The following ABLIM3 variants were observed in gnomAD, a reference collection of about 807,000 sequenced individuals.
ABLIM3 encodes actin-binding LIM protein 3.
In ABLIM3, 61 loss-of-function variants were observed where a neutral mutation model predicts 109.5. That is an observed-to-expected ratio of 0.56 (90% CI 0.45 to 0.69). The LOEUF (loss-of-function observed/expected upper bound fraction) is 0.69. Among genes scored for constraint, ABLIM3 ranks in the 30% least tolerant of loss-of-function variants. The pLI is 0.00. For synonymous variants in ABLIM3, 300 were observed against 324.8 expected, an observed-to-expected ratio of 0.92 and a Z score of 0.82; for missense variants, 796 against 889.5, an observed-to-expected ratio of 0.89 and a Z score of 1.34.
At position 149,260,089 on chromosome 5, in the gene ABLIM3, C is replaced by G. The variant is rs1754774775; in HGVS notation, c.*1685C>G. 6.4e-6 allele frequency: 1 copy of G among 156,672 alleles called. No homozygotes were observed. Among genetic ancestry groups the G allele is most frequent in the South Asian group, 1.9e-4 (1 of 5,204 alleles). 9.7% of individuals were successfully genotyped at this position (156,672 alleles called of 1,614,324 possible). On this transcript the variant is annotated 3_prime_UTR_variant, in exon 24 of 24. Transcript: ENST00000309868. ...AGTGTGCGTGATGTTAATGAAAAGT[C>G]ATATGCAGCTAGAGCAGACCCAGGA...
chr5:149,153,558 C>A (rs1753623717), intron 2 of ABLIM3, among the ~76,000 whole-genome samples: 1 of 152,196 alleles, frequency 6.6e-6, no homozygotes, highest in South Asian at 2.1e-4. Flanking sequence ...GAGAGTCCCA[C>A]TCTGCAGACC....
Position 149,258,770 on chromosome 5 carries a change from T to C in ABLIM3, c.*366T>C. On this transcript the variant is annotated 3_prime_UTR_variant, in exon 24 of 24. Transcript: ENST00000309868. ...GGCCCCTTTCTTAAATTTCTAGGGC[T>C]GATGCTGACCATGTGGTTTCCACAC... 4 of 999,464 alleles carry C rather than the reference T, an allele frequency of 4.0e-6. No homozygotes were observed. The highest frequency in any genetic ancestry group is 4.8e-6 in the Non-Finnish European group (4 of 839,466). The allele number at this position is 999,464 out of a possible 1,614,324, so 61.9% of individuals were successfully genotyped here. A position where few individuals can be genotyped will look rare whatever the true frequency, so the allele number is the denominator to read the frequency against.
At chr5:149,213,028 A>G (rs1190665178) in intron 7 of ABLIM3, among the ~76,000 whole-genome samples, 1 of 152,176 alleles carries the variant, frequency 6.6e-6, no homozygotes, top group East Asian at 1.9e-4. Context: ...CCGGAGGATC[A>G]CTTGAGCCTG....
intron 2 of ABLIM3, among the ~76,000 whole-genome samples, chr5:149,161,527 T>C (rs1246106688): frequency 6.6e-6 from 1 of 152,216 alleles, no homozygotes; most frequent in African/African-American, 2.4e-5. Flanking sequence ...CCAGTGAGTT[T>C]GGGCCTCTGG....
chr5:149,173,622 C>T (rs961650462), intron 2 of ABLIM3, among the ~76,000 whole-genome samples: 4 of 152,150 alleles, frequency 2.6e-5, no homozygotes, highest in African/African-American at 9.7e-5. Flanking sequence ...TTAGTCGCTG[C>T]GGCTCTGCAT....
intron 2 of ABLIM3, among the ~76,000 whole-genome samples, chr5:149,163,714 T>C (rs973365441): frequency 6.6e-6 from 1 of 152,142 alleles, no homozygotes; most frequent in African/African-American, 2.4e-5. Context: ...AATAAAGTCA[T>C]ATTCTGAGGT....
At chr5:149,210,697 C>T in intron 6 of ABLIM3, 29 bp from the exon 7 acceptor site, 1 of 1,602,780 alleles carries the variant, frequency 6.2e-7, no homozygotes, top group Non-Finnish European at 8.5e-7. Context: ...TCCCTAACTT[C>T]CTCATCCTAT....
At chr5:149,151,577 AC>A (rs1337686756) in intron 2 of ABLIM3, among the ~76,000 whole-genome samples, 1 of 152,156 alleles carries the variant, frequency 6.6e-6, no homozygotes, top group Non-Finnish European at 1.5e-5. Context: ...TGATGTTTAA[AC>A]CCTCATTTTG....
chr5:149,252,239 C>G (rs1390347625), intron 22 of ABLIM3, 31 bp downstream of exon 22: 1 of 1,609,532 alleles, frequency 6.2e-7, no homozygotes, highest in Non-Finnish European at 8.5e-7. Flanking sequence ...CTGGGGGTCT[C>G]CAGGATTCTT....
intron 23 of ABLIM3, among the ~76,000 whole-genome samples, chr5:149,255,905 C>T (rs928650553): frequency 2.0e-5 from 3 of 152,180 alleles, no homozygotes; most frequent in Non-Finnish European, 4.4e-5. Flanking sequence ...CCTGTATCTG[C>T]TCATTCACCC....
At chr5:149,148,374 TG>T (rs1753117737) in intron 2 of ABLIM3, among the ~76,000 whole-genome samples, 1 of 152,284 alleles carries the variant, frequency 6.6e-6, no homozygotes, top group African/African-American at 2.4e-5. Flanking sequence ...TGGAAAGGCC[TG>T]GGCTCATACT....
At chr5:149,169,110 A>T (rs1016711227) in intron 2 of ABLIM3, among the ~76,000 whole-genome samples, 5 of 49,704 alleles carry the variant, frequency 1.0e-4, no homozygotes, top group Non-Finnish European at 1.9e-4. Context: ...GTCTCACCCT[A>T]ACTCTCCTTG....
At chr5:149,159,440 A>T (rs886702526) in intron 2 of ABLIM3, among the ~76,000 whole-genome samples, 1 of 152,206 alleles carries the variant, frequency 6.6e-6, no homozygotes. Flanking sequence ...CCTTATCTTG[A>T]TTAAACTGTT....
intron 18 of ABLIM3, among the ~76,000 whole-genome samples, chr5:149,248,859 G>GACACACACAC (rs55707887): frequency 0.036 from 5,255 of 144,522 alleles, 173 homozygotes; most frequent in African/African-American, 0.088. Flanking sequence ...CCTATTCCTG[G>GACACACACAC]ACACACACAC....
chr5:149,247,913 G>A lies in ABLIM3; in HGVS notation c.1683G>A (p.Glu561=). The A allele has an allele frequency of 6.2e-7, 1 of 1,614,168 alleles. No individual in the cohort carries two copies. Among genetic ancestry groups the A allele is most frequent in the Non-Finnish European group, 8.5e-7 (1 of 1,180,014 alleles). The change falls in exon 18 of 24, where the codon GAG becomes GAA. Residue 561 remains glutamate, a synonymous_variant. Coordinates refer to ENST00000309868, the MANE Select transcript of ABLIM3 (RefSeq NM_014945.5). The part of the protein sequence containing the change: ...SREALHTAGY[E]MSLNGSPRSH... ...AAGCCCTGCACACAGCTGGCTATGA[G>A]ATGTCCCTCAATGGCTGTAAGCATG...
chr5:149,229,806 C>T (rs1452391988), intron 8 of ABLIM3, among the ~76,000 whole-genome samples: 5 of 152,220 alleles, frequency 3.3e-5, no homozygotes, highest in Non-Finnish European at 7.3e-5. Flanking sequence ...TGCTTCTCAA[C>T]ATGTGAGCAG....
intron 3 of ABLIM3, among the ~76,000 whole-genome samples, chr5:149,192,131 G>A (rs945809586): frequency 6.6e-6 from 1 of 152,068 alleles, no homozygotes; most frequent in South Asian, 2.1e-4. Context: ...GGTGCTCACT[G>A]TCATGACTTC....
intron 2 of ABLIM3, among the ~76,000 whole-genome samples, chr5:149,177,464 A>G (rs143474022): frequency 1.3e-3 from 194 of 152,362 alleles, no homozygotes; most frequent in Middle Eastern, 3.4e-3. Context: ...AACATAGATC[A>G]TAACCCCTCT....
intron 10 of ABLIM3, among the ~76,000 whole-genome samples, chr5:149,234,298 A>G (rs533525104): frequency 7.0e-4 from 106 of 152,162 alleles, no homozygotes; most frequent in Non-Finnish European, 1.2e-3. Flanking sequence ...CGAGCAGAAA[A>G]CCTCAATCTG....
Sources: gnomAD v4.1 joint callset for allele counts (sites outside exome capture counted in the v4.1 genomes callset) on GRCh38, gnomAD v4.1.1 for gene constraint, MANE v1.5 for transcripts, NCBI Gene and HGNC (gene_info 2026-07-23, HGNC 2026-07-21) for gene names.